Variants in ST6GALNAC5 observed in about 807,000 individuals in gnomAD.
ST6GALNAC5 encodes ST6 N-acetylgalactosaminide alpha-2,6-sialyltransferase 5, also known as alpha-N-acetylgalactosaminide alpha-2,6-sialyltransferase 5.
In ST6GALNAC5, 27 loss-of-function variants were observed where a neutral mutation model predicts 33.6. The ratio of observed to expected loss-of-function variants is 0.80; its 90% confidence interval spans 0.59 to 1.11. The LOEUF is 1.11. Ranked by LOEUF, ST6GALNAC5 falls within the 50% of genes least tolerant of loss-of-function variation. The pLI is 0.00. For missense variants in ST6GALNAC5, 428 were observed against 454.0 expected, an observed-to-expected ratio of 0.94 and a Z score of 0.52; for synonymous variants, 194 against 171.2, an observed-to-expected ratio of 1.13 and a Z score of -1.04.
At chr1:77,031,832 C>G (rs934807997) in intron 2 of ST6GALNAC5, among the ~76,000 whole-genome samples, 4 of 152,094 alleles carry the variant, frequency 2.6e-5, no homozygotes, top group African/African-American at 9.7e-5. Context: ...GACTTAAACC[C>G]AACACAAACA....
intron 2 of ST6GALNAC5, among the ~76,000 whole-genome samples, chr1:76,904,596 G>A (rs1019388139): frequency 5.3e-5 from 8 of 152,140 alleles, no homozygotes; most frequent in African/African-American, 1.2e-4. Flanking sequence ...AGGCTGAAGC[G>A]AGTGGATCAC....
chr1:76,997,533 G>A (rs551128978), intron 2 of ST6GALNAC5, among the ~76,000 whole-genome samples: 1 of 152,200 alleles, frequency 6.6e-6, no homozygotes, highest in Admixed American at 6.5e-5. Flanking sequence ...TTTAATAGAC[G>A]AGCCCTCATA....
At chr1:77,053,799 A>G (rs1361548176) in intron 4 of ST6GALNAC5, among the ~76,000 whole-genome samples, 4 of 152,158 alleles carry the variant, frequency 2.6e-5, no homozygotes, top group African/African-American at 9.7e-5. Context: ...GCAGTTGTGG[A>G]TGCTCATTGG....
rs541709454 is a variant in ST6GALNAC5 at position 76,867,794 on chromosome 1, G to T, written c.15+104G>T. On this transcript the variant is annotated intron_variant, in intron 1 of 4. Transcript: ENST00000477717. ...TCCGAGACGCCTAACCCTGGGCCGC[G>T]AGGTCGCCTGTTACAAAGGGACAAC... is the stretch of plus-strand genomic sequence containing the variant. 149 of 1,535,736 alleles carry T rather than the reference G, an allele frequency of 9.7e-5. No individual in the cohort carries two copies. In the East Asian group the frequency reaches 2.8e-3, roughly 29 times the overall value.
intron 2 of ST6GALNAC5, among the ~76,000 whole-genome samples, chr1:77,007,247 T>G (rs1251950167): frequency 1.3e-5 from 2 of 152,198 alleles, no homozygotes; most frequent in African/African-American, 4.8e-5. Flanking sequence ...TCTGAAAACT[T>G]TCTCCTGCCG....
At chr1:76,941,904 G>T (rs1185184819) in intron 2 of ST6GALNAC5, among the ~76,000 whole-genome samples, 1 of 152,120 alleles carries the variant, frequency 6.6e-6, no homozygotes, top group Non-Finnish European at 1.5e-5. Flanking sequence ...CCTGCCAGCT[G>T]CAAGGTGGCC....
chr1:76,900,686 C>G (rs1185691067), intron 2 of ST6GALNAC5, among the ~76,000 whole-genome samples: 1 of 152,062 alleles, frequency 6.6e-6, no homozygotes, highest in Non-Finnish European at 1.5e-5. Context: ...AGTGAACAAA[C>G]ATAAAAATCA....
chr1:76,983,968 A>T (rs1201164265), intron 2 of ST6GALNAC5, among the ~76,000 whole-genome samples: 1 of 152,276 alleles, frequency 6.6e-6, no homozygotes, highest in Non-Finnish European at 1.5e-5. Context: ...ATCAATGAGA[A>T]CAAAGACACA....
At chr1:76,878,279 G>A (rs1241425056) in intron 2 of ST6GALNAC5, among the ~76,000 whole-genome samples, 1 of 152,160 alleles carries the variant, frequency 6.6e-6, no homozygotes. Context: ...AGCCAATGTA[G>A]GGGTTCTGCC....
At chr1:76,959,791 TTCTCATGAGCAGTGACTACTTCCTTG>T (rs1400244260) in intron 2 of ST6GALNAC5, among the ~76,000 whole-genome samples, 1 of 152,228 alleles carries the variant, frequency 6.6e-6, no homozygotes, top group Non-Finnish European at 1.5e-5. Context: ...ACGTTTCAGC[TTCTCATGAGCAGTGACTACTTCCTTG>T]TCTCAGAGGA....
intron 2 of ST6GALNAC5, among the ~76,000 whole-genome samples, chr1:76,873,202 T>C (rs1653549671): frequency 6.6e-6 from 1 of 152,214 alleles, no homozygotes; most frequent in African/African-American, 2.4e-5. Context: ...GTCTTTTGCA[T>C]GGTTGATTCC....
chr1:76,883,008 C>T (rs962960718), intron 2 of ST6GALNAC5, among the ~76,000 whole-genome samples: 23 of 152,312 alleles, frequency 1.5e-4, no homozygotes, highest in African/African-American at 5.3e-4. Flanking sequence ...TCAGCACCTC[C>T]TTTCTAAAGT....
At chr1:76,991,832 CGT>C (rs1246724117) in intron 2 of ST6GALNAC5, among the ~76,000 whole-genome samples, 4 of 124,240 alleles carry the variant, frequency 3.2e-5, no homozygotes, top group Non-Finnish European at 6.3e-5. Context: ...CTAACTCACG[CGT>C]GTGCGCACAC....
intron 2 of ST6GALNAC5, among the ~76,000 whole-genome samples, chr1:76,938,963 T>C (rs559358275): frequency 5.3e-5 from 8 of 152,274 alleles, no homozygotes; most frequent in African/African-American, 1.9e-4. Context: ...CAATGAAATA[T>C]TTACTAAACA....
rs574271634 is a variant in ST6GALNAC5 at position 76,958,344 on chromosome 1, G to T, written c.262-85860G>T. Among the ~76,000 whole-genome samples, 3 of 152,236 alleles carry T rather than the reference G, an allele frequency of 2.0e-5. No homozygotes were observed. The East Asian group carries it at 5.8e-4, about 29-fold the overall frequency. ...TTTTTGTACACATTTAACTCAGTCC[G>T]GCAGTAGTGTTAGTTTTCTTCCGCT... On this transcript the variant is annotated intron_variant, in intron 2 of 4. Transcript: ENST00000477717.
chr1:76,990,624 A>G (rs1399007471), intron 2 of ST6GALNAC5, among the ~76,000 whole-genome samples: 2 of 152,132 alleles, frequency 1.3e-5, no homozygotes, highest in Non-Finnish European at 2.9e-5. Flanking sequence ...TTCCTGCTCC[A>G]TCCTCAACCT....
At chr1:76,958,762 G>C (rs1481617843) in intron 2 of ST6GALNAC5, among the ~76,000 whole-genome samples, 1 of 151,812 alleles carries the variant, frequency 6.6e-6, no homozygotes, top group Non-Finnish European at 1.5e-5. Context: ...CTTCCTCATT[G>C]GTCTCTCTGT....
At chr1:76,923,410 C>A (rs1437258938) in intron 2 of ST6GALNAC5, among the ~76,000 whole-genome samples, 1 of 152,022 alleles carries the variant, frequency 6.6e-6, no homozygotes. Flanking sequence ...GGATTACCCA[C>A]AGCCGAGCAC....
At chr1:77,010,030 A>G (rs1650573612) in intron 2 of ST6GALNAC5, among the ~76,000 whole-genome samples, 1 of 152,154 alleles carries the variant, frequency 6.6e-6, no homozygotes, top group South Asian at 2.1e-4. Flanking sequence ...GTGACCATCC[A>G]TGAAGTGACA....
Sources: allele counts gnomAD v4.1 joint callset (sites outside exome capture counted in the v4.1 genomes callset), GRCh38; gene constraint gnomAD v4.1.1; transcripts MANE v1.5; gene names NCBI Gene and HGNC (gene_info 2026-07-23, HGNC 2026-07-21).